SORCS2: variants seen among roughly 807,000 people sequenced by gnomAD.
SORCS2 encodes the protein VPS10 domain-containing receptor SorCS2.
In SORCS2, 100 loss-of-function variants were observed where a neutral mutation model predicts 141.6. The observed-to-expected ratio is 0.71, with a 90% confidence interval of 0.60 to 0.83. SORCS2 has a LOEUF of 0.83. Among genes scored for constraint, SORCS2 ranks in the 40% least tolerant of loss-of-function variants. The pLI, the probability that SORCS2 is intolerant of heterozygous loss-of-function variation, is 0.00. For synonymous variants in SORCS2, 789 were observed against 676.9 expected (o/e 1.17, Z -2.57); for missense variants, 1,646 against 1,560.2 (o/e 1.05, Z -0.93).
At chr4:7,360,294 G>T (rs1721503345) in intron 1 of SORCS2, among the ~76,000 whole-genome samples, 1 of 152,204 alleles carries the variant, frequency 6.6e-6, no homozygotes, top group African/African-American at 2.4e-5. Flanking sequence ...ACTCAGAGAG[G>T]TGAGGTGACA....
chr4:7,462,068 G>A (rs1729347713), intron 2 of SORCS2, among the ~76,000 whole-genome samples: 1 of 152,246 alleles, frequency 6.6e-6, no homozygotes, highest in Admixed American at 6.5e-5. Flanking sequence ...CACAGTGCAA[G>A]TGAGTGTAAG....
chr4:7,304,632 C>G (rs1049741549), intron 1 of SORCS2, among the ~76,000 whole-genome samples: 2 of 152,206 alleles, frequency 1.3e-5, no homozygotes, highest in Non-Finnish European at 2.9e-5. Context: ...TTCTTCCTCT[C>G]AGAGCTGCAC....
chr4:7,661,653 C>G (rs974861674), intron 6 of SORCS2, 89 bp downstream of exon 6: 2 of 1,242,348 alleles, frequency 1.6e-6, no homozygotes, highest in East Asian at 2.6e-5. Flanking sequence ...GTCGCTTGTC[C>G]GCAATGGCTG....
At chr4:7,415,967 G>A (rs1725638116) in intron 2 of SORCS2, among the ~76,000 whole-genome samples, 1 of 152,218 alleles carries the variant, frequency 6.6e-6, no homozygotes, top group Non-Finnish European at 1.5e-5. Context: ...GGAGTTTTCA[G>A]GCAGACAAGG....
chr4:7,695,780 A>G (rs527392184), intron 11 of SORCS2, among the ~76,000 whole-genome samples: 1 of 5,376 alleles, frequency 1.9e-4, no homozygotes, highest in Non-Finnish European at 3.8e-4. Flanking sequence ...GGATGGATGG[A>G]TGGATGGATG....
chr4:7,729,815 C>T lies in SORCS2; in HGVS notation c.3108+103C>T, dbSNP rs1544401. ...GTCTCAGTGGCTCATGGCATAAAGG[C>T]GTCTTTCTCGCTGCATCTCAGTCTG... is the stretch of plus-strand genomic sequence containing the variant. On this transcript the variant is annotated intron_variant, in intron 23 of 26. Coordinates refer to ENST00000507866, the MANE Select transcript of SORCS2 (RefSeq NM_020777.3). The T allele has an allele frequency of 1.4e-4, 205 of 1,458,828 alleles. 2 individuals are homozygous for T. The Admixed American group carries it at 4.2e-3, about 30-fold the overall frequency. The allele number at this position is 1,458,828 out of a possible 1,614,324, so 90.4% of individuals were successfully genotyped here.
chr4:7,236,498 G>C (rs11934995), intron 1 of SORCS2, among the ~76,000 whole-genome samples: 96,547 of 151,996 alleles, frequency 0.64, 31,247 homozygotes, highest in East Asian at 0.76. Flanking sequence ...TAGGTGAGGG[G>C]CATCGGAGAG....
intron 5 of SORCS2, among the ~76,000 whole-genome samples, chr4:7,655,577 G>A (rs985824279): frequency 1.3e-4 from 20 of 152,240 alleles, no homozygotes; most frequent in Non-Finnish European, 2.1e-4. Flanking sequence ...CTGGAATGCC[G>A]ATGGCTGGTG....
chr4:7,204,102 G>A (rs191783498), intron 1 of SORCS2, among the ~76,000 whole-genome samples: 1 of 152,290 alleles, frequency 6.6e-6, no homozygotes, highest in Non-Finnish European at 1.5e-5. Flanking sequence ...TTTGGGTAGT[G>A]TGAATTAGGC....
At chr4:7,537,030 C>T (rs950345444) in intron 3 of SORCS2, among the ~76,000 whole-genome samples, 1 of 152,196 alleles carries the variant, frequency 6.6e-6, no homozygotes, top group Non-Finnish European at 1.5e-5. Flanking sequence ...TGTCATGCTC[C>T]GGGCTCCTGA....
At chr4:7,405,133 T>C (rs1373624854) in intron 2 of SORCS2, among the ~76,000 whole-genome samples, 2 of 152,180 alleles carry the variant, frequency 1.3e-5, no homozygotes, top group Non-Finnish European at 2.9e-5. Context: ...AATTATGTTT[T>C]TGTCAGCTTT....
At chr4:7,373,478 ATTTTTTTTTTTTTTTT>A (rs71173496) in intron 1 of SORCS2, among the ~76,000 whole-genome samples, 5 of 36,824 alleles carry the variant, frequency 1.4e-4, no homozygotes, top group African/African-American at 1.6e-4. Flanking sequence ...ATATATATAT[ATTTTTTTTTTTTTTTT>A]TTTTTTTTTT....
chr4:7,289,172 T>A (rs1260740698), intron 1 of SORCS2, among the ~76,000 whole-genome samples: 5 of 152,202 alleles, frequency 3.3e-5, no homozygotes, highest in Non-Finnish European at 7.3e-5. Flanking sequence ...GAAGCATTAT[T>A]CCAGTAGTTG....
chr4:7,620,688 G>T (rs372843831), intron 3 of SORCS2, among the ~76,000 whole-genome samples: 1 of 152,238 alleles, frequency 6.6e-6, no homozygotes, highest in Non-Finnish European at 1.5e-5. Flanking sequence ...CTGGGTTTGT[G>T]CAGCTCCCCA....
chr4:7,542,498 G>A (rs1419402822), intron 3 of SORCS2, among the ~76,000 whole-genome samples: 1 of 152,182 alleles, frequency 6.6e-6, no homozygotes, highest in African/African-American at 2.4e-5. Flanking sequence ...GAGGCTGAGG[G>A]GAGTGAGGCA....
chr4:7,235,102 C>T (rs1712172913), intron 1 of SORCS2, among the ~76,000 whole-genome samples: 1 of 152,216 alleles, frequency 6.6e-6, no homozygotes, highest in Non-Finnish European at 1.5e-5. Context: ...GTCTATCTGG[C>T]GTTCTCCAGT....
intron 1 of SORCS2, among the ~76,000 whole-genome samples, chr4:7,387,547 A>ACATACG (rs1399458450): frequency 6.7e-6 from 1 of 149,894 alleles, no homozygotes; most frequent in African/African-American, 2.5e-5. Context: ...ACACACATGC[A>ACATACG]CATACACATA....
At chr4:7,452,001 A>T (rs531075911) in intron 2 of SORCS2, among the ~76,000 whole-genome samples, 5 of 152,258 alleles carry the variant, frequency 3.3e-5, no homozygotes, top group African/African-American at 1.2e-4. Flanking sequence ...CCCAGGCCCT[A>T]TTCTGTGCCT....
At chr4:7,361,644 ACAG>A (rs1384008945) in intron 1 of SORCS2, among the ~76,000 whole-genome samples, 11 of 152,166 alleles carry the variant, frequency 7.2e-5, no homozygotes, top group African/African-American at 2.7e-4. Context: ...CCTGACTCCA[ACAG>A]TCCAGCAGGA....
Sources: allele counts gnomAD v4.1 joint callset (sites outside exome capture counted in the v4.1 genomes callset), GRCh38; gene constraint gnomAD v4.1.1; transcripts MANE v1.5; gene names NCBI Gene and HGNC (gene_info 2026-07-23, HGNC 2026-07-21).